The following GPC6 variants were observed in gnomAD, a reference collection of about 807,000 sequenced individuals.
The protein encoded by GPC6 is glypican-6.
In GPC6, 14 loss-of-function variants were observed where a neutral mutation model predicts 55.2. The ratio of observed to expected loss-of-function variants is 0.25; its 90% CI spans 0.17 to 0.40. The LOEUF is 0.40. GPC6 is among the 10% of genes least tolerant of loss of function. The pLI is 1.00. For synonymous variants in GPC6, 278 were observed against 259.6 expected, an observed-to-expected ratio of 1.07 and a Z score of -0.68; for missense variants, 641 against 708.5, an observed-to-expected ratio of 0.90 and a Z score of 1.08.
chr13:94,350,133 T>A (rs752826106), intron 6 of GPC6, among the ~76,000 whole-genome samples: 5 of 152,038 alleles, frequency 3.3e-5, no homozygotes, highest in Non-Finnish European at 5.9e-5. Context: ...ATCTTTGGTA[T>A]CTTTGAAATA....
intron 3 of GPC6, among the ~76,000 whole-genome samples, chr13:93,976,417 A>G (rs368109025): frequency 1.8e-4 from 28 of 152,164 alleles, no homozygotes; most frequent in African/African-American, 6.0e-4. Flanking sequence ...ACATTGCTAG[A>G]TAAGAACATA....
At chr13:94,186,400 G>A (rs760483640) in intron 4 of GPC6, among the ~76,000 whole-genome samples, 8 of 152,164 alleles carry the variant, frequency 5.3e-5, no homozygotes, top group East Asian at 1.9e-4. Context: ...TTTAAATTTC[G>A]TATCATTGTC....
In GPC6 at chr13:94,103,214, A is replaced by G. The variant is rs570939840; in HGVS notation, c.877+75320A>G. On this transcript the variant is annotated intron_variant, in intron 4 of 8. Coordinates refer to ENST00000377047, the MANE Select transcript of GPC6 (RefSeq NM_005708.5). Reference sequence around the variant, plus strand: ...ATCCATGTCCCTACAAAGGACATGAACTCATCCTTTTTTATGGCTGCATAG... The same window carrying G: ...ATCCATGTCCCTACAAAGGACATGAGCTCATCCTTTTTTATGGCTGCATAG... Among the ~76,000 whole-genome samples the G allele has an allele frequency of 2.0e-5, 3 of 152,156 alleles. No individual in the cohort carries two copies. In the South Asian group the frequency reaches 6.2e-4, roughly 32 times the overall value.
chr13:94,095,244 A>G (rs1208002897), intron 4 of GPC6, among the ~76,000 whole-genome samples: 3 of 152,124 alleles, frequency 2.0e-5, no homozygotes, highest in Non-Finnish European at 4.4e-5. Flanking sequence ...TATGCTATAT[A>G]AAAAAGAGTA....
intron 1 of GPC6, among the ~76,000 whole-genome samples, chr13:93,430,904 T>C (rs1020377889): frequency 6.6e-6 from 1 of 152,146 alleles, no homozygotes; most frequent in African/African-American, 2.4e-5. Context: ...GTTTTAAAAT[T>C]CAGCTGATAG....
At chr13:93,436,738 A>G (rs1877585913) in intron 1 of GPC6, among the ~76,000 whole-genome samples, 1 of 152,186 alleles carries the variant, frequency 6.6e-6, no homozygotes, top group Admixed American at 6.6e-5. Context: ...ACACATTTAC[A>G]GATTAGTGTA....
intron 2 of GPC6, among the ~76,000 whole-genome samples, chr13:93,827,122 GT>G (rs1254830986): frequency 1.3e-5 from 2 of 152,096 alleles, no homozygotes; most frequent in African/African-American, 4.8e-5. Flanking sequence ...CTGCCAAACT[GT>G]TTTTTGCAGA....
intron 1 of GPC6, among the ~76,000 whole-genome samples, chr13:93,319,116 G>C (rs558124183): frequency 1.3e-5 from 2 of 152,138 alleles, no homozygotes; most frequent in Non-Finnish European, 2.9e-5. Context: ...ACACAGATTA[G>C]TGAAAGCTAA....
chr13:93,413,908 T>C (rs931218160), intron 1 of GPC6, among the ~76,000 whole-genome samples: 4 of 152,200 alleles, frequency 2.6e-5, no homozygotes, highest in Non-Finnish European at 5.9e-5. Flanking sequence ...ATAGTAAAAA[T>C]CAAGTTAGTT....
chr13:93,466,640 C>G (rs1878913402), intron 1 of GPC6, among the ~76,000 whole-genome samples: 2 of 152,142 alleles, frequency 1.3e-5, no homozygotes, highest in African/African-American at 4.8e-5. Context: ...AACTAGCTGG[C>G]TGCCATGGGG....
chr13:94,374,838 G>T (rs1223602693), intron 6 of GPC6, among the ~76,000 whole-genome samples: 1 of 130,998 alleles, frequency 7.6e-6, no homozygotes, highest in Non-Finnish European at 1.6e-5. Context: ...AAATGTAAAA[G>T]AACAGAAATT....
rs141682583 is a variant in GPC6, at chr13:93,966,103, G to C, written c.712-61626G>C. ...TTATTCCACTGAGGTCATAGACTGAGTTAAATTACAAGCTGAGGGATCTCC... is the reference window on the plus strand; with the variant it reads ...TTATTCCACTGAGGTCATAGACTGACTTAAATTACAAGCTGAGGGATCTCC... On this transcript the variant is annotated intron_variant, in intron 3 of 8. Coordinates refer to ENST00000377047, the MANE Select transcript of GPC6 (RefSeq NM_005708.5). 2.1e-3 allele frequency among the ~76,000 whole-genome samples: 321 copies of C among 152,276 alleles called. 1 individual carries two copies. Among genetic ancestry groups the C allele is most frequent in the African/African-American group, 7.4e-3 (308 of 41,558 alleles).
chr13:94,286,743 G>A lies in GPC6; in HGVS notation c.1008+264G>A, dbSNP rs577176765. On this transcript the variant is annotated intron_variant, in intron 5 of 8. Transcript: ENST00000377047. ...AAAGGTTTCAGAGAGCCCCAAGTATGTTGACTAATCCCTCACATTTGTGAG... is the reference window on the plus strand; with the variant it reads ...AAAGGTTTCAGAGAGCCCCAAGTATATTGACTAATCCCTCACATTTGTGAG... 6.7e-4 allele frequency among the ~76,000 whole-genome samples: 102 copies of A among 152,310 alleles called. 1 individual carries two copies. Among genetic ancestry groups the A allele is most frequent in the African/African-American group, 2.3e-3 (97 of 41,582 alleles).
chr13:93,763,429 A>G (rs1293762158), intron 2 of GPC6, among the ~76,000 whole-genome samples: 1 of 152,178 alleles, frequency 6.6e-6, no homozygotes, highest in East Asian at 1.9e-4. Flanking sequence ...GAAGCCCCAG[A>G]AGGGCTACTT....
intron 1 of GPC6, among the ~76,000 whole-genome samples, chr13:93,301,702 TG>T (rs1463788156): frequency 2.0e-5 from 3 of 152,148 alleles, no homozygotes; most frequent in Non-Finnish European, 4.4e-5. Flanking sequence ...CTTTATAGCT[TG>T]GGGGTAACTG....
At chr13:93,637,582 G>T (rs1379547719) in intron 2 of GPC6, among the ~76,000 whole-genome samples, 25 of 152,074 alleles carry the variant, frequency 1.6e-4, no homozygotes, top group Admixed American at 1.6e-3. Flanking sequence ...TGTCCCAAAC[G>T]CTACAGCCTC....
rs146035120 is a variant in GPC6, at chr13:93,261,844, G to A, written c.160+34228G>A. Among the ~76,000 whole-genome samples, 429 of 151,630 alleles carry A rather than the reference G, an allele frequency of 2.8e-3. 3 individuals are homozygous for A. Among genetic ancestry groups the A allele is most frequent in the African/African-American group, 9.3e-3 (385 of 41,340 alleles). On this transcript the variant is annotated intron_variant, in intron 1 of 8. Coordinates refer to ENST00000377047, the MANE Select transcript of GPC6 (RefSeq NM_005708.5). ...AAAATGTTAAGGATAGGCAAATGTCGTTGGGAATAAACAGATAAATAAAGA... is the reference window on the plus strand; with the variant it reads ...AAAATGTTAAGGATAGGCAAATGTCATTGGGAATAAACAGATAAATAAAGA...
chr13:94,324,639 C>T (rs1877016691), intron 6 of GPC6, among the ~76,000 whole-genome samples: 1 of 150,894 alleles, frequency 6.6e-6, no homozygotes, highest in Non-Finnish European at 1.5e-5. Flanking sequence ...ACTTACGGCA[C>T]AAAGATAGCA....
intron 4 of GPC6, chr13:94,154,112 T>A (rs1887842112): frequency 6.6e-6 from 1 of 152,160 alleles, no homozygotes; most frequent in South Asian, 2.1e-4. Flanking sequence ...TAGACTTAGT[T>A]CAGGTATAAT....
Sources: allele counts gnomAD v4.1 joint callset (sites outside exome capture counted in the v4.1 genomes callset), GRCh38; gene constraint gnomAD v4.1.1; transcripts MANE v1.5; gene names NCBI Gene and HGNC (gene_info 2026-07-23, HGNC 2026-07-21).